PPP3CC: variants seen among roughly 807,000 people sequenced by gnomAD.
The protein encoded by PPP3CC is serine/threonine-protein phosphatase 2B catalytic subunit gamma isoform.
PPP3CC carries 35 observed loss-of-function variants against 60.3 expected under a neutral mutation model. The observed-to-expected ratio is 0.58, with a 90% CI of 0.44 to 0.77. The LOEUF (loss-of-function observed/expected upper bound fraction) is 0.77, where lower values mean the gene tolerates loss of function less well. Among genes scored for constraint, PPP3CC ranks in the 30% least tolerant of loss-of-function variants. The probability of loss-of-function intolerance (pLI) is 0.00; values close to 1 mark genes in which losing one functional copy is unlikely to be tolerated. For synonymous variants in PPP3CC, 206 were observed against 224.3 expected (o/e 0.92, Z 0.73); for missense variants, 570 against 628.9 (o/e 0.91, Z 1.00).
intron 1 of PPP3CC, among the ~76,000 whole-genome samples, chr8:22,447,098 C>T (rs2132423634): frequency 6.6e-6 from 1 of 151,814 alleles, no homozygotes; most frequent in African/African-American, 2.4e-5. Context: ...GCTTCAGCTT[C>T]CTGGGCTCAG....
chr8:22,531,451 T>A (rs1839714035), intron 10 of PPP3CC: 1 of 992,982 alleles, frequency 1.0e-6, no homozygotes, highest in Non-Finnish European at 1.5e-6. Context: ...CCCTTCAGTT[T>A]TAATGTATAT....
At chr8:22,447,248 C>T (rs1019567231) in intron 1 of PPP3CC, among the ~76,000 whole-genome samples, 5 of 145,892 alleles carry the variant, frequency 3.4e-5, no homozygotes, top group African/African-American at 7.6e-5. Context: ...GGCGCAATCT[C>T]GGCTCACTGC....
chr8:22,531,250 C>T, intron 10 of PPP3CC: 1 of 1,463,954 alleles, frequency 6.8e-7, no homozygotes, highest in Non-Finnish European at 9.2e-7. Context: ...AATTTCTCTT[C>T]TCATATTTCT....
At chr8:22,503,625 C>T (rs2132523129) in intron 4 of PPP3CC, among the ~76,000 whole-genome samples, 1 of 152,078 alleles carries the variant, frequency 6.6e-6, no homozygotes, top group East Asian at 1.9e-4. Context: ...ATAATAACAT[C>T]AGGGATTTTT....
chr8:22,499,478 A>C (rs1165026442), intron 4 of PPP3CC, among the ~76,000 whole-genome samples: 1 of 152,070 alleles, frequency 6.6e-6, no homozygotes, highest in Non-Finnish European at 1.5e-5. Context: ...GAAAGTCAAA[A>C]CATTACTAGC....
intron 3 of PPP3CC, among the ~76,000 whole-genome samples, chr8:22,490,870 TGG>T (rs1678550858): frequency 6.6e-6 from 1 of 152,212 alleles, no homozygotes; most frequent in Admixed American, 6.5e-5. Context: ...ACATTTGGAT[TGG>T]TTCCAAGTCT....
chr8:22,520,449 A>G (rs555220760), intron 6 of PPP3CC, among the ~76,000 whole-genome samples: 86 of 152,100 alleles, frequency 5.7e-4, no homozygotes, highest in African/African-American at 2.0e-3. Context: ...TGCCTGTATT[A>G]TTTTCACTTG....
intron 3 of PPP3CC, among the ~76,000 whole-genome samples, chr8:22,476,788 C>T (rs537888288): frequency 4.6e-5 from 7 of 151,864 alleles, no homozygotes; most frequent in South Asian, 2.1e-4. Context: ...AAAAATTAGC[C>T]GGGTGTGTAG....
At chr8:22,462,426 G>A (rs1460129806) in intron 1 of PPP3CC, among the ~76,000 whole-genome samples, 3 of 152,088 alleles carry the variant, frequency 2.0e-5, no homozygotes, top group South Asian at 2.1e-4. Flanking sequence ...TCATTCGTCC[G>A]CTAAACTGGA....
At chr8:22,479,405 C>T (rs1335476615) in intron 3 of PPP3CC, among the ~76,000 whole-genome samples, 1 of 152,028 alleles carries the variant, frequency 6.6e-6, no homozygotes, top group Non-Finnish European at 1.5e-5. Context: ...TTGTACGCTC[C>T]TTTTCTGATC....
At chr8:22,530,050 A>G (rs1402488130) in intron 10 of PPP3CC, among the ~76,000 whole-genome samples, 2 of 151,676 alleles carry the variant, frequency 1.3e-5, no homozygotes, top group Non-Finnish European at 2.9e-5. Flanking sequence ...AGAAAACACA[A>G]CTCCCTTTGG....
chr8:22,447,175 ATTTTTT>A (rs1161858120), intron 1 of PPP3CC, among the ~76,000 whole-genome samples: 1 of 116,298 alleles, frequency 8.6e-6, no homozygotes, highest in African/African-American at 3.1e-5. Flanking sequence ...TGTCCAACTA[ATTTTTT>A]TTTTTTTTTT....
chr8:22,457,260 A>G (rs1009010206), intron 1 of PPP3CC, among the ~76,000 whole-genome samples: 4 of 151,414 alleles, frequency 2.6e-5, no homozygotes, highest in Non-Finnish European at 5.9e-5. Flanking sequence ...GCTGTAACAA[A>G]CACCTAAAAG....
intron 3 of PPP3CC, among the ~76,000 whole-genome samples, chr8:22,485,611 G>A (rs1388823434): frequency 2.0e-5 from 3 of 152,180 alleles, no homozygotes; most frequent in Non-Finnish European, 4.4e-5. Context: ...TTGTACTATA[G>A]TTCCAATGGC....
intron 1 of PPP3CC, among the ~76,000 whole-genome samples, chr8:22,467,491 G>T (rs1837578332): frequency 6.6e-6 from 1 of 152,032 alleles, no homozygotes; most frequent in South Asian, 2.1e-4. Flanking sequence ...GCCCAGGTTG[G>T]AGTTTCAGTG....
At chr8:22,501,438 C>T (rs1838758861) in intron 4 of PPP3CC, among the ~76,000 whole-genome samples, 1 of 152,126 alleles carries the variant, frequency 6.6e-6, no homozygotes. Context: ...CAAGGTGTTG[C>T]CAGGGTTTCA....
chr8:22,477,152 T>C (rs531417065), intron 3 of PPP3CC, among the ~76,000 whole-genome samples: 111 of 152,210 alleles, frequency 7.3e-4, no homozygotes, highest in Non-Finnish European at 1.3e-3. Flanking sequence ...GCCACTCATA[T>C]CATTCATGTT....
At chr8:22,470,472 A>G (rs1837688423) in intron 1 of PPP3CC, among the ~76,000 whole-genome samples, 2 of 152,340 alleles carry the variant, frequency 1.3e-5, no homozygotes, top group Admixed American at 6.5e-5. Context: ...ATTGAATTAT[A>G]TATTTACATA....
chr8:22,532,909 C>T lies in PPP3CC; in HGVS notation c.1224-12C>T, dbSNP rs367680986. 4.6e-5 allele frequency: 72 copies of T among 1,549,850 alleles called. No individual in the cohort carries two copies. Among genetic ancestry groups the T allele is most frequent in the Non-Finnish European group, 6.1e-5 (70 of 1,144,646 alleles). ...CTCGGGCATTAACCCAGGGTTTGGT[C>T]TCCCTTTGCAGGCAAGAAAGTGAGA... On this transcript the variant is annotated splice_polypyrimidine_tract_variant and intron_variant, in intron 11 of 13. Coordinates refer to ENST00000240139, the MANE Select transcript of PPP3CC (RefSeq NM_005605.5).
Sources: gnomAD v4.1 joint callset for allele counts (sites outside exome capture counted in the v4.1 genomes callset) on GRCh38, gnomAD v4.1.1 for gene constraint, MANE v1.5 for transcripts, NCBI Gene and HGNC (gene_info 2026-07-23, HGNC 2026-07-21) for gene names.